CDH6: variants seen among roughly 807,000 people sequenced by gnomAD.
CDH6 encodes cadherin-6.
CDH6 carries 31 observed loss-of-function variants against 78.0 expected under a neutral mutation model. The observed-to-expected ratio is 0.40, with a 90% CI of 0.30 to 0.54. The LOEUF (loss-of-function observed/expected upper bound fraction) is 0.54. Ranked by LOEUF, CDH6 falls within the 20% of genes least tolerant of loss-of-function variation. The pLI is 0.56. For synonymous variants in CDH6, 376 were observed against 368.8 expected (o/e 1.02, Z -0.23); for missense variants, 724 against 975.9 (o/e 0.74, Z 3.44).
chr5:31,246,687 G>A (rs565602214), intron 1 of CDH6, among the ~76,000 whole-genome samples: 3 of 152,260 alleles, frequency 2.0e-5, no homozygotes, highest in South Asian at 2.1e-4. Context: ...TGAGTAGACC[G>A]CAAAATGTGC....
chr5:31,248,781 T>A (rs1741828448), intron 1 of CDH6, among the ~76,000 whole-genome samples: 1 of 152,168 alleles, frequency 6.6e-6, no homozygotes, highest in East Asian at 1.9e-4. Flanking sequence ...GGTAGTATTA[T>A]GAGAGATCAT....
At chr5:31,240,291 C>T (rs533651249) in intron 1 of CDH6, among the ~76,000 whole-genome samples, 60 of 152,272 alleles carry the variant, frequency 3.9e-4, no homozygotes, top group Admixed American at 1.3e-3. Context: ...ATATCCAATA[C>T]AATTACAGTC....
rs150926721 is a variant in CDH6 at position 31,273,742 on chromosome 5, A to T, written c.228+6041A>T. ...TGAAACCCAAAGGTAGAGAAAAAAA[A>T]ATTTTTTTAAAGGCTACTTTTAAAG... On this transcript the variant is annotated intron_variant, in intron 2 of 11. Transcript: ENST00000265071. 7.8e-3 allele frequency among the ~76,000 whole-genome samples: 1,188 copies of T among 152,302 alleles called. 13 individuals are homozygous for T. Among genetic ancestry groups the T allele is most frequent in the African/African-American group, 0.027 (1,143 of 41,572 alleles).
In CDH6 at chr5:31,305,367, T is replaced by C; in HGVS notation, c.1193T>C (p.Ile398Thr). ...TTACAAATAAGAGAAGATGCTCAGATAAACACCACAATAGGCTCCGTCACA... is the reference window on the plus strand; with the variant it reads ...TTACAAATAAGAGAAGATGCTCAGACAAACACCACAATAGGCTCCGTCACA... ...YILQIREDAQ[I>T]NTTIGSVTAQ... Residue 398 changes from isoleucine to threonine, a missense_variant, in exon 7 of 12, where the codon ATA becomes ACA. Physicochemically the swap from Ile to Thr is moderately conservative, Grantham distance 89. This residue lies in a region of CDH6 where 446 missense variants were observed against 684.5 expected (regional missense o/e 0.65). Transcript: ENST00000265071. The C allele has an allele frequency of 6.2e-7, 1 of 1,614,100 alleles. No individual in the cohort carries two copies. Among genetic ancestry groups the C allele is most frequent in the Non-Finnish European group, 8.5e-7 (1 of 1,179,982 alleles).
intron 1 of CDH6, among the ~76,000 whole-genome samples, chr5:31,199,187 C>T (rs1224609953): frequency 6.6e-6 from 1 of 151,744 alleles, no homozygotes; most frequent in Non-Finnish European, 1.5e-5. Context: ...ACAGCAACCC[C>T]TCACCTCTTT....
chr5:31,297,125 T>G lies in CDH6; in HGVS notation c.524-164T>G, dbSNP rs2149949115. Among the ~76,000 whole-genome samples, 3 of 152,328 alleles carry G rather than the reference T, an allele frequency of 2.0e-5. No homozygotes were observed. The Middle Eastern group carries it at 0.01, about 518-fold the overall frequency. On this transcript the variant is annotated intron_variant, in intron 3 of 11. Transcript: ENST00000265071. ...AAATATTTCTAAATGTTGATTGTAT[T>G]TCTTTAAAGAATCCAATCCTTTTTC... is the stretch of plus-strand genomic sequence containing the variant.
At chr5:31,320,833 A>G (rs983283313) in intron 11 of CDH6, among the ~76,000 whole-genome samples, 4 of 151,832 alleles carry the variant, frequency 2.6e-5, no homozygotes, top group Non-Finnish European at 5.9e-5. Flanking sequence ...ACAAAAATTA[A>G]CTGTGCATGG....
chr5:31,206,628 A>G (rs757660464), intron 1 of CDH6, among the ~76,000 whole-genome samples: 15 of 152,234 alleles, frequency 9.9e-5, no homozygotes, highest in Non-Finnish European at 2.1e-4. Context: ...CAGAGAAAGC[A>G]GGTAACAAGA....
In CDH6 at chr5:31,299,553, A is replaced by T. The variant is rs759433625; in HGVS notation, c.733A>T (p.Met245Leu). The T allele has an allele frequency of 2.5e-6, 4 of 1,613,968 alleles. No homozygotes were observed. The South Asian group carries it at 4.4e-5, about 18-fold the overall frequency. Reference sequence around the variant, plus strand: ...TCAAGCCAAGGATATGGGCGGCCAGATGGGAGGATTATCTGGGACCACCAC... The same window carrying T: ...TCAAGCCAAGGATATGGGCGGCCAGTTGGGAGGATTATCTGGGACCACCAC... The part of the protein sequence containing the change: ...VIQAKDMGGQ[M>L]GGLSGTTTVN... The change falls in exon 5 of 12, where the codon ATG becomes TTG. Residue 245 changes from methionine (M) to leucine (L), a missense_variant. Coordinates refer to ENST00000265071, the MANE Select transcript of CDH6 (RefSeq NM_004932.4).
intron 1 of CDH6, among the ~76,000 whole-genome samples, chr5:31,206,944 T>G (rs1740542538): frequency 6.6e-6 from 1 of 152,160 alleles, no homozygotes; most frequent in Non-Finnish European, 1.5e-5. Context: ...CCTCAGAATA[T>G]TTTCTTGGTG....
chr5:31,197,368 CT>C (rs1321395866), intron 1 of CDH6, among the ~76,000 whole-genome samples: 4 of 152,138 alleles, frequency 2.6e-5, no homozygotes, highest in African/African-American at 9.7e-5. Flanking sequence ...ATCCAGTTGC[CT>C]TGTGCTTCTT....
chr5:31,288,795 C>A (rs1743075742), intron 2 of CDH6, among the ~76,000 whole-genome samples: 1 of 152,184 alleles, frequency 6.6e-6, no homozygotes, highest in Non-Finnish European at 1.5e-5. Flanking sequence ...TCTTAAAGAG[C>A]AACATTACAT....
chr5:31,254,259 T>C (rs1336061770), intron 1 of CDH6, among the ~76,000 whole-genome samples: 1 of 152,216 alleles, frequency 6.6e-6, no homozygotes, highest in Non-Finnish European at 1.5e-5. Flanking sequence ...AAAGTAGTGA[T>C]ACCAGCCATT....
chr5:31,280,301 G>A (rs565897023), intron 2 of CDH6, among the ~76,000 whole-genome samples: 12 of 152,294 alleles, frequency 7.9e-5, no homozygotes, highest in South Asian at 2.1e-4. Context: ...GCATTGTGTC[G>A]AGCTTTACAG....
At chr5:31,321,732 A>C (rs1266091276) in intron 11 of CDH6, among the ~76,000 whole-genome samples, 1 of 152,320 alleles carries the variant, frequency 6.6e-6, no homozygotes, top group Admixed American at 6.5e-5. Context: ...GCAGTAATTC[A>C]GTTTTCATGT....
At chr5:31,276,106 A>G (rs1742684764) in intron 2 of CDH6, among the ~76,000 whole-genome samples, 1 of 152,240 alleles carries the variant, frequency 6.6e-6, no homozygotes, top group Admixed American at 6.5e-5. Context: ...AGTTACCAAG[A>G]TGACAATAAA....
chr5:31,229,896 A>G (rs1741271298), intron 1 of CDH6, among the ~76,000 whole-genome samples: 1 of 152,188 alleles, frequency 6.6e-6, no homozygotes, highest in Non-Finnish European at 1.5e-5. Context: ...GCTGGTGATT[A>G]TCAGGCCAGT....
At chr5:31,290,460 G>A (rs1160572725) in intron 2 of CDH6, among the ~76,000 whole-genome samples, 1 of 152,176 alleles carries the variant, frequency 6.6e-6, no homozygotes, top group East Asian at 1.9e-4. Context: ...TAATGGAACA[G>A]CCACATTAAA....
chr5:31,322,245 T>C (rs1181906253), intron 11 of CDH6, among the ~76,000 whole-genome samples: 5 of 152,196 alleles, frequency 3.3e-5, no homozygotes, highest in Non-Finnish European at 5.9e-5. Flanking sequence ...CTCCAGGTAT[T>C]TTCTGGAATA....
Sources: gnomAD v4.1 joint callset for allele counts (sites outside exome capture counted in the v4.1 genomes callset) on GRCh38, gnomAD v4.1.1 for gene constraint, gnomAD v4.1.1 regional missense constraint, MANE v1.5 for transcripts, NCBI Gene and HGNC (gene_info 2026-07-23, HGNC 2026-07-21) for gene names.